The following PLXNA2 variants were observed in gnomAD, a reference collection of about 807,000 sequenced individuals.
The protein encoded by PLXNA2 is plexin A2, also known as plexin-A2.
In PLXNA2, 91 loss-of-function variants were observed where a neutral mutation model predicts 193.5. The observed-to-expected ratio is 0.47, with a 90% CI of 0.40 to 0.56. The LOEUF is 0.56. Ranked by LOEUF, PLXNA2 falls within the 20% of genes least tolerant of loss-of-function variation. The probability of loss-of-function intolerance (pLI) is 0.00; values close to 1 mark genes in which losing one functional copy is unlikely to be tolerated. For missense variants in PLXNA2, 1,995 were observed against 2,503.2 expected (o/e 0.80, Z 4.33); for synonymous variants, 997 against 1,027.3 (o/e 0.97, Z 0.56).
intron 12 of PLXNA2, among the ~76,000 whole-genome samples, chr1:208,078,956 C>G (rs1213398653): frequency 6.6e-6 from 1 of 152,124 alleles, no homozygotes; most frequent in South Asian, 2.1e-4. Context: ...ATTTCTCCTC[C>G]TCACTTGGCT....
At chr1:208,238,421 G>C (rs1262047) in intron 1 of PLXNA2, among the ~76,000 whole-genome samples, 82,606 of 151,980 alleles carry the variant, frequency 0.54, 23,062 homozygotes, top group African/African-American at 0.67. Context: ...CTGCCCTGAC[G>C]TCCAGGTACA....
At chr1:208,235,298 C>G (rs1183068020) in intron 1 of PLXNA2, among the ~76,000 whole-genome samples, 3 of 152,300 alleles carry the variant, frequency 2.0e-5, no homozygotes, top group East Asian at 1.9e-4. Flanking sequence ...TAAATAAAAT[C>G]TTACTTTTCT....
chr1:208,043,231 C>G (rs545967538), intron 20 of PLXNA2, 28 bp from the exon 21 acceptor site: 1 of 1,604,282 alleles, frequency 6.2e-7, no homozygotes, highest in Non-Finnish European at 8.5e-7. Context: ...CGGAGAGGCT[C>G]GTGGGGAAGC....
chr1:208,078,672 C>CAT (rs1425666362), intron 12 of PLXNA2, among the ~76,000 whole-genome samples: 1 of 152,206 alleles, frequency 6.6e-6, no homozygotes, highest in Admixed American at 6.5e-5. Flanking sequence ...ATTGCATTTT[C>CAT]ATCCACATCA....
At chr1:208,051,526 G>T (rs953789179) in intron 15 of PLXNA2, 103 bp from the exon 16 acceptor site, 1 of 835,610 alleles carries the variant, frequency 1.2e-6, no homozygotes, top group African/African-American at 1.7e-5. Flanking sequence ...TAAGGCCACA[G>T]AAGTGTTCTC....
At chr1:208,040,166 C>CGCAGG (rs1664821156) in intron 22 of PLXNA2, 108 bp from the exon 23 acceptor site, 1 of 873,390 alleles carries the variant, frequency 1.1e-6, no homozygotes, top group African/African-American at 1.6e-5. Flanking sequence ...CATGGGAGAA[C>CGCAGG]GCAGGGCGGG....
At position 208,031,421 on chromosome 1, in the gene PLXNA2, C is replaced by G. The variant is rs775440615; in HGVS notation, c.5225+169G>C. ...CCACTTGGCACAGGCAGCTGGGGAC[C>G]GTGTGGGCTCTGCAGAGCATATGTG... On this transcript the variant is annotated intron_variant, in intron 29 of 31. Coordinates refer to ENST00000367033, the MANE Select transcript of PLXNA2 (RefSeq NM_025179.4). The G allele has an allele frequency of 3.8e-6, 5 of 1,314,738 alleles. No homozygotes were observed. The Admixed American group carries it at 1.0e-4, about 28-fold the overall frequency. 81.4% of individuals were successfully genotyped at this position (1,314,738 alleles called of 1,614,324 possible). A position where few individuals can be genotyped will look rare whatever the true frequency, so the allele number is the denominator to read the frequency against.
At chr1:208,108,892 C>T (rs369289027) in intron 4 of PLXNA2, among the ~76,000 whole-genome samples, 10 of 152,126 alleles carry the variant, frequency 6.6e-5, no homozygotes, top group South Asian at 2.1e-4. Context: ...AGTGTTCAAG[C>T]GATCTGCAAG....
chr1:208,240,918 A>G (rs914151152), intron 1 of PLXNA2, among the ~76,000 whole-genome samples: 1 of 151,964 alleles, frequency 6.6e-6, no homozygotes, highest in African/African-American at 2.4e-5. Flanking sequence ...TGGAGACAGG[A>G]ATTGCCTCCC....
intron 20 of PLXNA2, 26 bp from the exon 21 acceptor site, chr1:208,043,229 C>A (rs1243541495): frequency 1.9e-6 from 3 of 1,605,208 alleles, no homozygotes; most frequent in Non-Finnish European, 2.6e-6. Flanking sequence ...GACGGAGAGG[C>A]TCGTGGGGAA....
intron 14 of PLXNA2, among the ~76,000 whole-genome samples, chr1:208,052,937 A>G (rs1385801769): frequency 1.3e-5 from 2 of 151,658 alleles, no homozygotes; most frequent in Admixed American, 6.6e-5. Context: ...TTCCCTGAGC[A>G]TAAGAAGGGC....
At chr1:208,184,874 G>A (rs1356125223) in intron 3 of PLXNA2, among the ~76,000 whole-genome samples, 2 of 152,200 alleles carry the variant, frequency 1.3e-5, no homozygotes, top group Non-Finnish European at 2.9e-5. Context: ...GATGGTCCCA[G>A]CTAAATAGGC....
At chr1:208,130,223 G>A (rs564507375) in intron 4 of PLXNA2, among the ~76,000 whole-genome samples, 2 of 152,304 alleles carry the variant, frequency 1.3e-5, no homozygotes, top group South Asian at 4.1e-4. Context: ...CTGAGTCCCT[G>A]AGCTGGCCTG....
rs186346870 is a variant in PLXNA2, at chr1:208,074,530, G to A, written c.2586+4730C>T. On this transcript the variant is annotated intron_variant, in intron 12 of 31. Coordinates refer to ENST00000367033, the MANE Select transcript of PLXNA2 (RefSeq NM_025179.4). ...TGAAATTCAATAGCCTGTACAACTT[G>A]TTCTACATGAAGCTGCCATAAAAGA... 7.2e-3 allele frequency among the ~76,000 whole-genome samples: 1,093 copies of A among 152,320 alleles called. 7 individuals carry two copies. Among genetic ancestry groups the A allele is most frequent in the Non-Finnish European group, 0.012 (792 of 68,024 alleles).
chr1:208,192,378 T>C (rs994234979), intron 3 of PLXNA2, among the ~76,000 whole-genome samples: 1 of 152,068 alleles, frequency 6.6e-6, no homozygotes, highest in African/African-American at 2.4e-5. Flanking sequence ...CAGGTATGCC[T>C]ATTACCCAGG....
rs1315198531 is a variant in PLXNA2 at position 208,075,468 on chromosome 1, T to A, written c.2586+3792A>T. 2.0e-5 allele frequency among the ~76,000 whole-genome samples: 3 copies of A among 152,194 alleles called. No homozygotes were observed. The East Asian group carries it at 5.8e-4, about 29-fold the overall frequency. On this transcript the variant is annotated intron_variant, in intron 12 of 31. Transcript: ENST00000367033. ...TGATTTTTCCCATTACTGGCTTTGT[T>A]TACTTTCATCAATTGGTTTAGGTGA...
chr1:208,172,871 C>T (rs1436576834), intron 3 of PLXNA2, among the ~76,000 whole-genome samples: 2 of 152,118 alleles, frequency 1.3e-5, no homozygotes. Flanking sequence ...GAAGATGGGT[C>T]CTTCTAGCAG....
In PLXNA2 at chr1:208,082,514, G is replaced by A. The variant is rs1666379833; in HGVS notation, c.2299-6C>T. The A allele has an allele frequency of 6.2e-7, 1 of 1,612,528 alleles. No homozygotes were observed. Among genetic ancestry groups the A allele is most frequent in the African/African-American group, 1.3e-5 (1 of 75,010 alleles). On this transcript the variant is annotated splice_polypyrimidine_tract_variant and splice_region_variant and intron_variant, in intron 10 of 31. Transcript: ENST00000367033. The surrounding 1 kb of genome is among the most constrained non-coding windows in gnomAD (Gnocchi z 4.2). Reference sequence around the variant, plus strand: ...TCCATGCCATCATACTGGTACTATAGGGAGACGGGCAGAGGCATGGGGCTC... The same window carrying A: ...TCCATGCCATCATACTGGTACTATAAGGAGACGGGCAGAGGCATGGGGCTC...
chr1:208,066,746 G>A (rs1216511871), intron 12 of PLXNA2, among the ~76,000 whole-genome samples: 1 of 152,152 alleles, frequency 6.6e-6, no homozygotes. Context: ...CATAGGAGAC[G>A]ACAGCTCTAT....
Sources: gnomAD v4.1 joint callset for allele counts (sites outside exome capture counted in the v4.1 genomes callset) on GRCh38, gnomAD v4.1.1 for gene constraint, Gnocchi (gnomAD v3.1) non-coding constraint, MANE v1.5 for transcripts, NCBI Gene and HGNC (gene_info 2026-07-23, HGNC 2026-07-21) for gene names.